Variants in ARHGEF4 observed in about 807,000 individuals in gnomAD.
ARHGEF4 encodes the protein APC-stimulated guanine nucleotide exchange factor 1.
A neutral mutation model predicts 162.0 loss-of-function variants in ARHGEF4; 119 were observed. The ratio of observed to expected loss-of-function variants is 0.73; its 90% CI spans 0.63 to 0.86. ARHGEF4 has a LOEUF of 0.86. Ranked by LOEUF, ARHGEF4 falls within the 40% of genes least tolerant of loss-of-function variation. ARHGEF4 has a pLI of 0.00. For synonymous variants in ARHGEF4, 1,014 were observed against 979.9 expected (o/e 1.03, Z -0.65); for missense variants, 2,488 against 2,456.0 (o/e 1.01, Z -0.28).
chr2:130,980,697 C>T (rs547352540), intron 4 of ARHGEF4, among the ~76,000 whole-genome samples: 85 of 152,340 alleles, frequency 5.6e-4, no homozygotes, highest in African/African-American at 1.9e-3. Flanking sequence ...GCAGCATGTG[C>T]ACATAATTTG....
intron 1 of ARHGEF4, among the ~76,000 whole-genome samples, chr2:130,846,223 T>C (rs2065860096): frequency 6.6e-6 from 1 of 152,194 alleles, no homozygotes; most frequent in African/African-American, 2.4e-5. Context: ...CAGCTCAAAC[T>C]AAAACTGTCA....
chr2:131,016,527 A>G (rs952129912), intron 4 of ARHGEF4, among the ~76,000 whole-genome samples: 1 of 152,246 alleles, frequency 6.6e-6, no homozygotes, highest in Non-Finnish European at 1.5e-5. Flanking sequence ...CTCTTTAGAG[A>G]AGTTTCTCAA....
intron 2 of ARHGEF4, among the ~76,000 whole-genome samples, chr2:130,919,388 A>G (rs1553513644): frequency 1.3e-5 from 2 of 152,208 alleles, no homozygotes; most frequent in Non-Finnish European, 2.9e-5. Flanking sequence ...AACACTCAAC[A>G]GCAGTATCTG....
intron 4 of ARHGEF4, among the ~76,000 whole-genome samples, chr2:130,997,923 G>C (rs1235996309): frequency 6.6e-6 from 1 of 151,706 alleles, no homozygotes. Flanking sequence ...GGAACACACA[G>C]ACGCACACCT....
intron 1 of ARHGEF4, among the ~76,000 whole-genome samples, chr2:130,880,874 G>C (rs78107211): frequency 0.028 from 4,183 of 151,834 alleles, 168 homozygotes; most frequent in African/African-American, 0.095. Flanking sequence ...CACAGCACAG[G>C]AGTCAAGAAC....
intron 4 of ARHGEF4, among the ~76,000 whole-genome samples, chr2:130,955,267 G>A (rs1359722589): frequency 1.3e-5 from 2 of 152,036 alleles, no homozygotes; most frequent in Non-Finnish European, 2.9e-5. Context: ...AATCTGATAT[G>A]TAGTCATTCT....
At position 130,916,481 on chromosome 2, in the gene ARHGEF4, A is replaced by AC; in HGVS notation, c.2537dup (p.Pro847AlafsTer39). On this transcript the variant is annotated frameshift_variant, in exon 2 of 14. Transcript: ENST00000409359. LOFTEE classifies it high-confidence loss of function. Reference sequence around the variant, plus strand: ...CGCCCGCTGCGGCCGGTCGGGACGCACCGCCTCTGCACCACGGGGACGCCA... The same window carrying AC: ...CGCCCGCTGCGGCCGGTCGGGACGCACCCGCCTCTGCACCACGGGGACGCCA... 1 of 1,545,956 alleles carries AC rather than the reference A, an allele frequency of 6.5e-7. No individual in the cohort carries two copies. The highest frequency in any genetic ancestry group is 1.2e-5 in the South Asian group (1 of 83,900).
chr2:130,879,296 G>A (rs1679050103), intron 1 of ARHGEF4, among the ~76,000 whole-genome samples: 1 of 152,060 alleles, frequency 6.6e-6, no homozygotes, highest in Non-Finnish European at 1.5e-5. Flanking sequence ...TTTTACAGGA[G>A]ATTTTTTTCT....
At chr2:130,872,975 T>G (rs1322377908) in intron 1 of ARHGEF4, among the ~76,000 whole-genome samples, 1 of 152,090 alleles carries the variant, frequency 6.6e-6, no homozygotes, top group Non-Finnish European at 1.5e-5. Flanking sequence ...TGTTCGCCTG[T>G]GGAGCACACC....
At chr2:131,018,108 T>C (rs1688876228) in intron 4 of ARHGEF4, among the ~76,000 whole-genome samples, 2 of 152,176 alleles carry the variant, frequency 1.3e-5, no homozygotes, top group South Asian at 4.1e-4. Flanking sequence ...AACAAGACTA[T>C]TTGGTATGAG....
At chr2:130,864,130 G>A (rs561158279) in intron 1 of ARHGEF4, among the ~76,000 whole-genome samples, 14 of 151,830 alleles carry the variant, frequency 9.2e-5, no homozygotes, top group Non-Finnish European at 4.4e-5. Context: ...AGCTTGCAGT[G>A]AGCCGAGATT....
chr2:130,928,773 C>T (rs772025080), intron 2 of ARHGEF4, among the ~76,000 whole-genome samples: 5 of 152,110 alleles, frequency 3.3e-5, no homozygotes, highest in Non-Finnish European at 7.4e-5. Flanking sequence ...CTTAATGCTG[C>T]TCTTTTGGGA....
At chr2:130,852,676 C>G (rs920218688) in intron 1 of ARHGEF4, among the ~76,000 whole-genome samples, 4 of 152,146 alleles carry the variant, frequency 2.6e-5, no homozygotes, top group Admixed American at 6.5e-5. Context: ...AGGAGGAGAC[C>G]GCAGGATGGG....
chr2:130,921,045 G>A (rs1419374657), intron 2 of ARHGEF4, among the ~76,000 whole-genome samples: 1 of 151,574 alleles, frequency 6.6e-6, no homozygotes, highest in African/African-American at 2.4e-5. Context: ...TACCCACTAT[G>A]CCCCATCTCA....
intron 4 of ARHGEF4, among the ~76,000 whole-genome samples, chr2:130,955,150 A>G (rs1473072916): frequency 1.3e-5 from 2 of 152,136 alleles, no homozygotes; most frequent in African/African-American, 2.4e-5. Flanking sequence ...GAATGCGTTC[A>G]TTGATATTCT....
intron 4 of ARHGEF4, among the ~76,000 whole-genome samples, chr2:131,002,426 A>C (rs1228315461): frequency 6.6e-6 from 1 of 151,692 alleles, no homozygotes; most frequent in Admixed American, 6.6e-5. Flanking sequence ...ATACAAAAAA[A>C]TTAGCTGGGC....
At chr2:130,981,496 A>C (rs973338104) in intron 4 of ARHGEF4, among the ~76,000 whole-genome samples, 1 of 151,884 alleles carries the variant, frequency 6.6e-6, no homozygotes, top group Non-Finnish European at 1.5e-5. Context: ...CCGTTTCTAC[A>C]AAAAATACAA....
At chr2:130,849,491 G>A (rs1010537489) in intron 1 of ARHGEF4, among the ~76,000 whole-genome samples, 8 of 152,078 alleles carry the variant, frequency 5.3e-5, no homozygotes, top group Admixed American at 5.2e-4. Context: ...TGTCTGCCCT[G>A]GAACTTGAAG....
intron 5 of ARHGEF4, among the ~76,000 whole-genome samples, chr2:131,029,773 C>T (rs1455191984): frequency 2.0e-5 from 3 of 152,146 alleles, no homozygotes; most frequent in Non-Finnish European, 4.4e-5. Context: ...AGGCTAGTCT[C>T]AAACTCTTGA....
Sources: gnomAD v4.1 joint callset for allele counts (sites outside exome capture counted in the v4.1 genomes callset) on GRCh38, gnomAD v4.1.1 for gene constraint, MANE v1.5 for transcripts, NCBI Gene and HGNC (gene_info 2026-07-23, HGNC 2026-07-21) for gene names.